TANC1: variants seen among roughly 807,000 people sequenced by gnomAD.
The protein encoded by TANC1 is tetratricopeptide repeat, ankyrin repeat and coiled-coil containing 1.
A neutral mutation model predicts 149.7 loss-of-function variants in TANC1; 77 were observed. The ratio of observed to expected loss-of-function variants is 0.51; its 90% CI spans 0.43 to 0.62. The LOEUF (loss-of-function observed/expected upper bound fraction) is 0.62. Among genes scored for constraint, TANC1 ranks in the 20% least tolerant of loss-of-function variants. TANC1 has a pLI of 0.00. For synonymous variants in TANC1, 854 were observed against 925.0 expected, an observed-to-expected ratio of 0.92 and a Z score of 1.39; for missense variants, 1,985 against 2,321.8, an observed-to-expected ratio of 0.85 and a Z score of 2.98.
intron 1 of TANC1, among the ~76,000 whole-genome samples, chr2:158,992,356 C>A (rs865813826): frequency 1.4e-5 from 2 of 147,062 alleles, no homozygotes; most frequent in Non-Finnish European, 3.0e-5. Context: ...CAGACTGATA[C>A]CCTGTCTCAA....
In TANC1 at chr2:159,015,533, G is replaced by C. The variant is rs145707044; in HGVS notation, c.-16+14344G>C. Among the ~76,000 whole-genome samples, 321 of 152,282 alleles carry C rather than the reference G, an allele frequency of 2.1e-3. 2 individuals are homozygous for C. The highest frequency in any genetic ancestry group is 0.01 in the Middle Eastern group (3 of 294). On this transcript the variant is annotated intron_variant, in intron 2 of 26. Transcript: ENST00000263635. ...TTCATTACTTACGCAAATTTCTACA[G>C]CTGGCTTGGATTTCTCCTCAGAAAA...
At chr2:159,111,472 T>A (rs923729679) in intron 4 of TANC1, among the ~76,000 whole-genome samples, 4 of 152,220 alleles carry the variant, frequency 2.6e-5, no homozygotes, top group African/African-American at 9.6e-5. Context: ...TTAAATGCCA[T>A]CTGCAGACAT....
At chr2:159,100,906 T>C (rs755231221) in intron 4 of TANC1, among the ~76,000 whole-genome samples, 18 of 152,100 alleles carry the variant, frequency 1.2e-4, no homozygotes, top group Non-Finnish European at 2.5e-4. Context: ...TGGTTGTGAA[T>C]GTGTACTGGA....
chr2:159,055,954 G>A (rs1049912756), intron 2 of TANC1: 2 of 223,260 alleles, frequency 9.0e-6, no homozygotes, highest in Admixed American at 4.7e-5. Flanking sequence ...CCCTAGGGAC[G>A]GATGAAACAA....
intron 2 of TANC1, among the ~76,000 whole-genome samples, chr2:159,050,079 A>G (rs908527920): frequency 2.6e-5 from 4 of 152,184 alleles, no homozygotes; most frequent in African/African-American, 9.7e-5. Flanking sequence ...CTCTTTCAGA[A>G]GAGTAAGTCA....
intron 3 of TANC1, among the ~76,000 whole-genome samples, chr2:159,097,135 G>A (rs1197260959): frequency 6.6e-6 from 1 of 152,094 alleles, no homozygotes; most frequent in African/African-American, 2.4e-5. Flanking sequence ...TTGAGTAGAT[G>A]GGATGGGAGC....
chr2:159,086,003 G>T (rs1317268813), intron 3 of TANC1, among the ~76,000 whole-genome samples: 5 of 152,180 alleles, frequency 3.3e-5, no homozygotes, highest in Non-Finnish European at 7.3e-5. Flanking sequence ...GAGTAATTGG[G>T]ATGGAGAATG....
Position 159,149,166 on chromosome 2 carries a change from G to A in TANC1, c.389G>A (p.Ser130Asn), listed in dbSNP as rs1393815219. The change falls in exon 6 of 27, where the codon AGC becomes AAC. Residue 130 changes from serine to asparagine, a missense_variant. By Grantham distance (46) the Ser-to-Asn change is conservative. This residue lies in a region of TANC1 where 557 missense variants were observed against 612.9 expected (regional missense o/e 0.91). Coordinates refer to ENST00000263635, the MANE Select transcript of TANC1 (RefSeq NM_033394.3). Reference sequence around the variant, plus strand: ...GAAGCAAAGGCCGATAATGAACCGAGCTGTTCGCCGGCAGCTCAAGAACTG... The same window carrying A: ...GAAGCAAAGGCCGATAATGAACCGAACTGTTCGCCGGCAGCTCAAGAACTG... ...EHEAKADNEP[S>N]CSPAAQELLT... The A allele has an allele frequency of 6.2e-7, 1 of 1,608,650 alleles. No individual in the cohort carries two copies. Among genetic ancestry groups the A allele is most frequent in the African/African-American group, 1.3e-5 (1 of 74,778 alleles).
Position 159,224,150 on chromosome 2 carries a change from C to T in TANC1, c.3679-82C>T, listed in dbSNP as rs1013992596. 6 of 1,539,802 alleles carry T rather than the reference C, an allele frequency of 3.9e-6. No individual in the cohort carries two copies. In the African/African-American group the frequency reaches 6.8e-5, roughly 17 times the overall value. On this transcript the variant is annotated intron_variant, in intron 22 of 26. Coordinates refer to ENST00000263635, the MANE Select transcript of TANC1 (RefSeq NM_033394.3). ...AGAGGCATCTAAAATCAGAGTGAAG[C>T]TAAGACTGCCCACCCCTAAATCCGT...
intron 5 of TANC1, among the ~76,000 whole-genome samples, chr2:159,136,776 T>G: frequency 7.8e-6 from 1 of 128,000 alleles, no homozygotes; most frequent in Non-Finnish European, 1.6e-5. Context: ...TTAGGGGATG[T>G]TGAAGTAGGA....
intron 5 of TANC1, among the ~76,000 whole-genome samples, chr2:159,137,886 G>A (rs1329896871): frequency 6.6e-6 from 1 of 152,182 alleles, no homozygotes; most frequent in Non-Finnish European, 1.5e-5. Context: ...TTAAGGTTCT[G>A]TACAGGGATT....
At chr2:159,072,235 G>C (rs1034210779) in intron 3 of TANC1, among the ~76,000 whole-genome samples, 1 of 152,204 alleles carries the variant, frequency 6.6e-6, no homozygotes, top group Admixed American at 6.5e-5. Flanking sequence ...GCCCACCTCA[G>C]CCTCACAGAG....
chr2:159,111,983 G>A (rs547899624), intron 4 of TANC1, among the ~76,000 whole-genome samples: 18 of 152,282 alleles, frequency 1.2e-4, no homozygotes, highest in African/African-American at 2.6e-4. Context: ...GAAGTGAGAC[G>A]TACAAACTAG....
At position 159,015,934 on chromosome 2, in the gene TANC1, AT is replaced by A. The variant is rs1253689775; in HGVS notation, c.-16+14747del. Among the ~76,000 whole-genome samples, 8 of 152,062 alleles carry A rather than the reference AT, an allele frequency of 5.3e-5. 1 individual carries two copies. The highest frequency in any genetic ancestry group is 5.2e-4 in the Admixed American group (8 of 15,262). ...TCTAGGGAGTTCCAAACTTTCCCAC[AT>A]TCTTCTGTCTTCTTCTGAGCCCTTC... On this transcript the variant is annotated intron_variant, in intron 2 of 26. Coordinates refer to ENST00000263635, the MANE Select transcript of TANC1 (RefSeq NM_033394.3).
At chr2:159,012,510 C>T (rs943352040) in intron 2 of TANC1, among the ~76,000 whole-genome samples, 6 of 151,678 alleles carry the variant, frequency 4.0e-5, no homozygotes, top group Admixed American at 6.6e-5. Context: ...TCTATTGTGG[C>T]GGTTGAAGTC....
chr2:159,142,364 G>C (rs1171589205), intron 5 of TANC1, among the ~76,000 whole-genome samples: 1 of 152,152 alleles, frequency 6.6e-6, no homozygotes, highest in Non-Finnish European at 1.5e-5. Flanking sequence ...AGCAATTGTT[G>C]GTAAAACTTC....
At chr2:159,188,764 C>T (rs1384297185) in intron 16 of TANC1, among the ~76,000 whole-genome samples, 1 of 152,274 alleles carries the variant, frequency 6.6e-6, no homozygotes, top group East Asian at 1.9e-4. Context: ...TTCTGGTCCT[C>T]ATGATCGTAT....
chr2:159,126,271 A>G (rs1451760501), intron 4 of TANC1, among the ~76,000 whole-genome samples: 1 of 152,178 alleles, frequency 6.6e-6, no homozygotes, highest in Admixed American at 6.5e-5. Context: ...GCCATTTTAC[A>G]TCAGGGACTT....
intron 1 of TANC1, among the ~76,000 whole-genome samples, chr2:158,991,951 A>G (rs1255738647): frequency 6.6e-6 from 1 of 152,206 alleles, no homozygotes; most frequent in Non-Finnish European, 1.5e-5. Flanking sequence ...TTTCACATAC[A>G]TTATTTCAGT....
Sources: allele counts gnomAD v4.1 joint callset (sites outside exome capture counted in the v4.1 genomes callset), GRCh38; gene constraint gnomAD v4.1.1; regional missense constraint gnomAD v4.1.1; transcripts MANE v1.5; gene names NCBI Gene and HGNC (gene_info 2026-07-23, HGNC 2026-07-21).